NRXN1: variants seen among roughly 807,000 people sequenced by gnomAD.
NRXN1 encodes neurexin-1.
In NRXN1, 39 loss-of-function variants were observed where a neutral mutation model predicts 150.9. The ratio of observed to expected loss-of-function variants is 0.26; its 90% CI spans 0.20 to 0.34. The LOEUF (loss-of-function observed/expected upper bound fraction) is 0.34, where lower values mean the gene tolerates loss of function less well. Among genes scored for constraint, NRXN1 ranks in the 10% least tolerant of loss-of-function variants. NRXN1 has a pLI of 1.00. For missense variants in NRXN1, 1,815 were observed against 1,949.9 expected (o/e 0.93, Z 1.30); for synonymous variants, 924 against 757.0 (o/e 1.22, Z -3.62).
At chr2:50,732,926 G>T (rs1698278115) in intron 5 of NRXN1, among the ~76,000 whole-genome samples, 1 of 152,108 alleles carries the variant, frequency 6.6e-6, no homozygotes, top group Non-Finnish European at 1.5e-5. Flanking sequence ...GTTCTGTTTT[G>T]TGATTCACAC....
chr2:50,021,361 T>G (rs1268118581), intron 21 of NRXN1, among the ~76,000 whole-genome samples: 2 of 152,160 alleles, frequency 1.3e-5, no homozygotes, highest in African/African-American at 4.8e-5. Context: ...ATATAGCTAG[T>G]ATAGCAGGAT....
rs533374915 is a variant in NRXN1 at position 49,976,566 on chromosome 2, TC to T, written c.4129-32776del. 7.9e-5 allele frequency among the ~76,000 whole-genome samples: 12 copies of T among 152,230 alleles called. No individual in the cohort carries two copies. The East Asian group carries it at 2.3e-3, about 29-fold the overall frequency. On this transcript the variant is annotated intron_variant, in intron 21 of 22. Transcript: ENST00000401669. ...ATGACTGGTATGTTTTGAGGGAAAATCTTGAGGGAAAGGAAGGAAGACAGAG... is the reference window on the plus strand; with the variant it reads ...ATGACTGGTATGTTTTGAGGGAAAATTTGAGGGAAAGGAAGGAAGACAGAG...
At chr2:51,019,367 C>T (rs1669241147) in intron 2 of NRXN1, among the ~76,000 whole-genome samples, 2 of 152,030 alleles carry the variant, frequency 1.3e-5, no homozygotes, top group African/African-American at 4.8e-5. Flanking sequence ...TGCATAATGC[C>T]TTTCACTCGA....
At chr2:49,963,337 T>C (rs887724319) in intron 21 of NRXN1, among the ~76,000 whole-genome samples, 2 of 152,256 alleles carry the variant, frequency 1.3e-5, no homozygotes, top group East Asian at 3.9e-4. Flanking sequence ...AAAAAGACAG[T>C]AGATGCCACT....
At chr2:50,485,009 G>A (rs775644150) in intron 15 of NRXN1, among the ~76,000 whole-genome samples, 26 of 152,064 alleles carry the variant, frequency 1.7e-4, no homozygotes, top group Admixed American at 5.9e-4. Flanking sequence ...AAATACTGCC[G>A]TAGACCTGGG....
chr2:50,004,903 T>C (rs1684514206), intron 21 of NRXN1, among the ~76,000 whole-genome samples: 1 of 152,120 alleles, frequency 6.6e-6, no homozygotes, highest in African/African-American at 2.4e-5. Context: ...CTCATCTCAT[T>C]GCTAAAACTC....
intron 10 of NRXN1, among the ~76,000 whole-genome samples, chr2:50,534,066 G>C (rs2093189824): frequency 6.6e-6 from 1 of 151,254 alleles, no homozygotes; most frequent in Non-Finnish European, 1.5e-5. Flanking sequence ...GCCCACAGCA[G>C]AGCCTCCATA....
chr2:50,454,359 T>C (rs2087308723), intron 17 of NRXN1, among the ~76,000 whole-genome samples: 1 of 151,830 alleles, frequency 6.6e-6, no homozygotes, highest in African/African-American at 2.4e-5. Context: ...AAATAATTAA[T>C]ATGATAATAT....
At chr2:50,368,429 A>C (rs901838529) in intron 17 of NRXN1, among the ~76,000 whole-genome samples, 4 of 152,132 alleles carry the variant, frequency 2.6e-5, no homozygotes, top group Admixed American at 2.6e-4. Flanking sequence ...ATTTTTACTA[A>C]ACAAAAATGT....
At chr2:50,136,789 T>G (rs536350555) in intron 18 of NRXN1, among the ~76,000 whole-genome samples, 7 of 152,372 alleles carry the variant, frequency 4.6e-5, no homozygotes, top group African/African-American at 1.4e-4. Context: ...AAATAATTTA[T>G]TTATTTGTTA....
chr2:50,995,692 A>C (rs1699173586), intron 2 of NRXN1, among the ~76,000 whole-genome samples: 1 of 152,056 alleles, frequency 6.6e-6, no homozygotes, highest in Non-Finnish European at 1.5e-5. Context: ...GTGTCAGTGA[A>C]CTTTAAATAA....
intron 5 of NRXN1, among the ~76,000 whole-genome samples, chr2:50,682,399 A>G (rs530048352): frequency 1.3e-5 from 2 of 152,292 alleles, no homozygotes; most frequent in South Asian, 2.1e-4. Context: ...TAAAAGAGGT[A>G]AGAATAGGCT....
At chr2:50,222,349 C>T (rs1442114468) in intron 18 of NRXN1, among the ~76,000 whole-genome samples, 2 of 151,912 alleles carry the variant, frequency 1.3e-5, no homozygotes, top group South Asian at 2.1e-4. Context: ...ATTAAATACA[C>T]CAGAAAGAAA....
rs571243753 is a variant in NRXN1 at position 49,921,740 on chromosome 2, C to CTGTTTCT, written c.*203_*204insAGAAACA. ...TGGATGTTAGGGAATTTATTGGCCC[C>CTGTTTCT]TGTTTTTTGTTTTTTGTTTTTCTTT... is the stretch of plus-strand genomic sequence containing the variant. On this transcript the variant is annotated 3_prime_UTR_variant, in exon 23 of 23. Transcript: ENST00000401669. 1.2e-4 allele frequency: 67 copies of CTGTTTCT among 581,036 alleles called. No individual in the cohort carries two copies. In the East Asian group the frequency reaches 2.0e-3, roughly 17 times the overall value. The allele number at this position is 581,036 out of a possible 1,614,324, so 36.0% of individuals were successfully genotyped here.
chr2:50,907,351 A>T (rs577156899), intron 5 of NRXN1, among the ~76,000 whole-genome samples: 87 of 152,162 alleles, frequency 5.7e-4, no homozygotes, highest in Middle Eastern at 6.8e-3. Context: ...TTGGGTCTTC[A>T]ACTCTGAAAG....
intron 17 of NRXN1, among the ~76,000 whole-genome samples, chr2:50,411,547 C>T (rs1260711285): frequency 1.3e-5 from 2 of 151,950 alleles, no homozygotes; most frequent in Non-Finnish European, 2.9e-5. Context: ...TGAAGAGCGC[C>T]TCTGCCCGGC....
At chr2:50,563,683 C>T (rs909962343) in intron 8 of NRXN1, among the ~76,000 whole-genome samples, 2 of 152,146 alleles carry the variant, frequency 1.3e-5, no homozygotes, top group South Asian at 4.1e-4. Flanking sequence ...TGTTTGCCTC[C>T]AGAGCCTGAA....
At chr2:50,282,073 T>C (rs1466401622) in intron 17 of NRXN1, among the ~76,000 whole-genome samples, 2 of 152,158 alleles carry the variant, frequency 1.3e-5, no homozygotes, top group East Asian at 3.9e-4. Flanking sequence ...TGTCTTACAG[T>C]TATTGCTTTT....
chr2:50,542,780 T>C (rs942243859), intron 9 of NRXN1, among the ~76,000 whole-genome samples: 4 of 152,158 alleles, frequency 2.6e-5, no homozygotes, highest in African/African-American at 9.7e-5. Context: ...CAATAAGGGA[T>C]TTGAATCCCA....
Sources: allele counts gnomAD v4.1 joint callset (sites outside exome capture counted in the v4.1 genomes callset), GRCh38; gene constraint gnomAD v4.1.1; transcripts MANE v1.5; gene names NCBI Gene and HGNC (gene_info 2026-07-23, HGNC 2026-07-21).